The following NTM variants were observed in gnomAD, a reference collection of about 807,000 sequenced individuals.
NTM encodes IgLON family member 2.
NTM carries 13 observed loss-of-function variants against 42.1 expected under a neutral mutation model. The observed-to-expected ratio is 0.31, with a 90% CI of 0.20 to 0.49. The LOEUF is 0.49. Ranked by LOEUF, NTM falls within the 20% of genes least tolerant of loss-of-function variation. The pLI is 0.99. For synonymous variants in NTM, 187 were observed against 179.2 expected (o/e 1.04, Z -0.35); for missense variants, 373 against 452.8 (o/e 0.82, Z 1.60).
intron 1 of NTM, among the ~76,000 whole-genome samples, chr11:131,628,523 G>A (rs545718014): frequency 3.9e-5 from 6 of 152,248 alleles, no homozygotes; most frequent in South Asian, 2.1e-4. Context: ...GTGTGTGCAC[G>A]CCAGCATATT....
chr11:132,069,764 A>G (rs1396054161), intron 2 of NTM, among the ~76,000 whole-genome samples: 6 of 149,474 alleles, frequency 4.0e-5, no homozygotes, highest in African/African-American at 1.5e-4. Flanking sequence ...AGCCAAGTTA[A>G]CACGTCAAAC....
chr11:131,607,275 C>T (rs181257972), intron 1 of NTM, among the ~76,000 whole-genome samples: 1 of 152,310 alleles, frequency 6.6e-6, no homozygotes, highest in Non-Finnish European at 1.5e-5. Context: ...TCTTGCCATT[C>T]TTTGTTCACT....
chr11:132,312,451 C>G (rs1483221362), intron 6 of NTM: 1 of 152,522 alleles, frequency 6.6e-6, no homozygotes, highest in Non-Finnish European at 1.5e-5. Flanking sequence ...GGGCATTGAC[C>G]AATGAAAAGT....
intron 1 of NTM, among the ~76,000 whole-genome samples, chr11:131,398,143 G>A (rs987288012): frequency 2.0e-5 from 3 of 152,022 alleles, no homozygotes. Flanking sequence ...ATAACGATAA[G>A]ACCTTATCAT....
chr11:131,723,736 T>A (rs933688297), intron 1 of NTM, among the ~76,000 whole-genome samples: 6 of 152,178 alleles, frequency 3.9e-5, no homozygotes, highest in Non-Finnish European at 7.3e-5. Context: ...TGTCTTTCCT[T>A]TTTCATCTTG....
At chr11:131,605,407 C>A (rs1219822949) in intron 1 of NTM, among the ~76,000 whole-genome samples, 1 of 152,116 alleles carries the variant, frequency 6.6e-6, no homozygotes, top group Non-Finnish European at 1.5e-5. Context: ...TTATTGTGTA[C>A]CCCGCACATT....
intron 1 of NTM, among the ~76,000 whole-genome samples, chr11:131,725,034 A>G (rs762609661): frequency 1.2e-4 from 18 of 152,182 alleles, no homozygotes; most frequent in Non-Finnish European, 2.2e-4. Context: ...ATGATCAAGG[A>G]GTATCTTGTT....
intron 2 of NTM, among the ~76,000 whole-genome samples, chr11:132,047,077 G>A (rs1484153994): frequency 1.3e-5 from 2 of 152,170 alleles, no homozygotes; most frequent in Non-Finnish European, 2.9e-5. Context: ...CTGAAACACA[G>A]ATCTGGGATT....
intron 1 of NTM, among the ~76,000 whole-genome samples, chr11:131,386,501 G>A (rs2513537): frequency 0.85 from 129,094 of 152,296 alleles, 54,759 homozygotes; most frequent in Non-Finnish European, 0.86. Flanking sequence ...AAAATTAACA[G>A]AAGAGATAAT....
intron 1 of NTM, among the ~76,000 whole-genome samples, chr11:131,434,445 A>G (rs1184244771): frequency 6.6e-6 from 1 of 152,196 alleles, no homozygotes; most frequent in African/African-American, 2.4e-5. Flanking sequence ...CCTTTCCAGC[A>G]TCTGTTGTTT....
At chr11:131,447,251 C>T (rs1350012746) in intron 1 of NTM, among the ~76,000 whole-genome samples, 2 of 152,128 alleles carry the variant, frequency 1.3e-5, no homozygotes, top group African/African-American at 4.8e-5. Context: ...TGATTTTGGA[C>T]CCCCAAGGTT....
chr11:132,077,573 G>C (rs964499096), intron 2 of NTM, among the ~76,000 whole-genome samples: 2 of 152,202 alleles, frequency 1.3e-5, no homozygotes, highest in Admixed American at 6.5e-5. Flanking sequence ...ACAAGAGGAA[G>C]TGGAGACTCA....
At chr11:131,745,593 C>T (rs546876426) in intron 1 of NTM, among the ~76,000 whole-genome samples, 1 of 152,286 alleles carries the variant, frequency 6.6e-6, no homozygotes, top group African/African-American at 2.4e-5. Context: ...GATCAGAGGA[C>T]TGGAGTTGAA....
At chr11:132,030,400 G>T (rs555643108) in intron 2 of NTM, among the ~76,000 whole-genome samples, 2 of 152,300 alleles carry the variant, frequency 1.3e-5, no homozygotes, top group Admixed American at 6.5e-5. Context: ...TAGGGAGAAT[G>T]GAGCCTATTA....
chr11:131,721,515 A>G (rs1471682191), intron 1 of NTM, among the ~76,000 whole-genome samples: 1 of 152,088 alleles, frequency 6.6e-6, no homozygotes, highest in Non-Finnish European at 1.5e-5. Flanking sequence ...TGTAAATATT[A>G]AATATGCATG....
chr11:132,153,593 C>G (rs1042478844), intron 3 of NTM, among the ~76,000 whole-genome samples: 1 of 152,156 alleles, frequency 6.6e-6, no homozygotes, highest in Non-Finnish European at 1.5e-5. Flanking sequence ...CTTAGACACT[C>G]AAAAGACCCA....
At chr11:132,081,280 T>C (rs1287567360) in intron 2 of NTM, among the ~76,000 whole-genome samples, 1 of 152,214 alleles carries the variant, frequency 6.6e-6, no homozygotes, top group East Asian at 1.9e-4. Flanking sequence ...TGTATACATA[T>C]TACACTACAG....
intron 1 of NTM, among the ~76,000 whole-genome samples, chr11:131,803,772 G>T (rs2092318537): frequency 6.6e-6 from 1 of 152,252 alleles, no homozygotes; most frequent in East Asian, 1.9e-4. Flanking sequence ...TGGCTGCCTG[G>T]CCTCTGCCCC....
At chr11:131,370,999 G>A in intron 1 of NTM, 111 bp downstream of exon 1, 1 of 1,542,370 alleles carries the variant, frequency 6.5e-7, no homozygotes, top group Non-Finnish European at 8.7e-7. Context: ...GCAGGTGGAG[G>A]AGAGAGCGTT....
Sources: allele counts gnomAD v4.1 joint callset (sites outside exome capture counted in the v4.1 genomes callset), GRCh38; gene constraint gnomAD v4.1.1; transcripts MANE v1.5; gene names NCBI Gene and HGNC (gene_info 2026-07-23, HGNC 2026-07-21).